ADGB: variants seen among roughly 807,000 people sequenced by gnomAD.
ADGB encodes the protein androglobin, also known as calpain-7-like protein.
ADGB carries 172 observed loss-of-function variants against 210.5 expected under a neutral mutation model. That is an observed-to-expected ratio of 0.82 (90% CI 0.72 to 0.93). The LOEUF is 0.93. Among genes scored for constraint, ADGB ranks in the 40% least tolerant of loss-of-function variants. The pLI, the probability that ADGB is intolerant of heterozygous loss-of-function variation, is 0.00. For synonymous variants in ADGB, 658 were observed against 662.7 expected, an observed-to-expected ratio of 0.99 and a Z score of 0.11; for missense variants, 2,025 against 1,964.8, an observed-to-expected ratio of 1.03 and a Z score of -0.58.
rs1481358790 is a variant in ADGB, at chr6:146,701,215, G to A, written c.1707+145G>A. On this transcript the variant is annotated intron_variant, in intron 13 of 35. Coordinates refer to ENST00000397944, the MANE Select transcript of ADGB (RefSeq NM_024694.4). Reference sequence around the variant, plus strand: ...AATAGTGTTAAAATAAATCTCTTATGTATCTATCACCTAGGTTAGAAAATA... The same window carrying A: ...AATAGTGTTAAAATAAATCTCTTATATATCTATCACCTAGGTTAGAAAATA... The A allele has an allele frequency of 3.2e-6, 3 of 940,422 alleles. No individual in the cohort carries two copies. The African/African-American group carries it at 5.1e-5, about 16-fold the overall frequency. 58.3% of individuals were successfully genotyped at this position (940,422 alleles called of 1,614,324 possible).
At chr6:146,669,321 T>C (rs1775976003) in intron 7 of ADGB, among the ~76,000 whole-genome samples, 1 of 152,028 alleles carries the variant, frequency 6.6e-6, no homozygotes, top group Non-Finnish European at 1.5e-5. Context: ...TATTTTCCAG[T>C]CACCAGTTCA....
chr6:146,717,125 G>T (rs1030707174), intron 15 of ADGB, 56 bp downstream of exon 15: 40 of 1,343,318 alleles, frequency 3.0e-5, no homozygotes, highest in Non-Finnish European at 3.8e-5. Flanking sequence ...ACCCTGAGCT[G>T]CATTAGTATA....
intron 3 of ADGB, among the ~76,000 whole-genome samples, chr6:146,646,207 C>T (rs1173118765): frequency 6.6e-6 from 1 of 151,962 alleles, no homozygotes; most frequent in East Asian, 1.9e-4. Context: ...TCCCCCTTTC[C>T]TTTTTGGGCA....
At chr6:146,707,657 T>G (rs1356685610) in intron 13 of ADGB, among the ~76,000 whole-genome samples, 1 of 152,168 alleles carries the variant, frequency 6.6e-6, no homozygotes, top group Non-Finnish European at 1.5e-5. Flanking sequence ...TAGCTATCCC[T>G]GCTCTCTTTT....
At position 146,666,831 on chromosome 6, in the gene ADGB, C is replaced by A; in HGVS notation, c.768C>A (p.Asp256Glu). The change falls in exon 7 of 36, where the codon GAC (aspartate) becomes GAA (glutamate). Residue 256 changes from aspartate to glutamate, a missense_variant. By Grantham distance (45) the Asp-to-Glu change is conservative (BLOSUM62 2). Coordinates refer to ENST00000397944, the MANE Select transcript of ADGB (RefSeq NM_024694.4). ...TCTTTTTTAGCATCCATGTAGCAGA[C>A]AGGAGAGAGCTGGGGGAGTTCACGG... ...KLANIDIHVADRRELGEFTVI... is the reference protein window; with the variant it reads ...KLANIDIHVAERRELGEFTVI... 6.5e-7 allele frequency: 1 copy of A among 1,547,614 alleles called. No individual in the cohort carries two copies. The highest frequency in any genetic ancestry group is 8.7e-7 in the Non-Finnish European group (1 of 1,144,066).
intron 12 of ADGB, among the ~76,000 whole-genome samples, chr6:146,698,172 T>G (rs1295831667): frequency 1.3e-5 from 2 of 152,210 alleles, no homozygotes; most frequent in Admixed American, 1.3e-4. Context: ...TGAATAATGG[T>G]GATATGACTG....
In ADGB at chr6:146,769,131, G is replaced by T; in HGVS notation, c.3862G>T (p.Ala1288Ser). The change falls in exon 29 of 36, where the codon GCT becomes TCT. Residue 1288 changes from alanine (A) to serine (S), a missense_variant and splice_region_variant. Physicochemically the swap from Ala to Ser is moderately conservative, Grantham distance 99. Transcript: ENST00000397944. The stretch of plus-strand genomic sequence containing the variant: ...AGACTTAAAGAAAAGTAATACCAAA[G>T]GTATGTCACCCTAAATGTTTAAACA... The part of the protein sequence containing the change: ...LKDLKKSNTK[A>S]YGERHEELIN... 6.7e-7 allele frequency: 1 copy of T among 1,484,266 alleles called. No individual in the cohort carries two copies. The highest frequency in any genetic ancestry group is 1.3e-5 in the South Asian group (1 of 78,208). 91.9% of individuals were successfully genotyped at this position (1,484,266 alleles called of 1,614,324 possible).
intron 13 of ADGB, among the ~76,000 whole-genome samples, chr6:146,713,650 T>C (rs937244409): frequency 1.3e-5 from 2 of 152,238 alleles, no homozygotes; most frequent in African/African-American, 2.4e-5. Context: ...ATTTTCCCTT[T>C]ATCAGATATG....
chr6:146,760,345 G>A (rs774532245), intron 27 of ADGB, among the ~76,000 whole-genome samples: 6 of 151,754 alleles, frequency 4.0e-5, no homozygotes, highest in African/African-American at 7.2e-5. Flanking sequence ...TCATAAAATT[G>A]GAACCATATA....
In ADGB at chr6:146,691,245, C is replaced by G; in HGVS notation, c.1441C>G (p.Leu481Val). 1.9e-6 allele frequency: 3 copies of G among 1,547,596 alleles called. No homozygotes were observed. Among genetic ancestry groups the G allele is most frequent in the South Asian group, 1.2e-5 (1 of 83,842 alleles). Reference sequence around the variant, plus strand: ...ACCACCTCCTCTACCTCCCTGGAAACTCATTCGTCAAAAAAAGGAAACTGT... The same window carrying G: ...ACCACCTCCTCTACCTCCCTGGAAAGTCATTCGTCAAAAAAAGGAAACTGT... ...PKPPPLPPWK[L>V]IRQKKETVIT... The change falls in exon 11 of 36, where the codon CTC (leucine) becomes GTC (valine). Residue 481 changes from leucine to valine, a missense_variant. Physicochemically the swap from Leu to Val is conservative, Grantham distance 32 (BLOSUM62 1). Coordinates refer to ENST00000397944, the MANE Select transcript of ADGB (RefSeq NM_024694.4).
At chr6:146,728,234 A>T (rs1776925358) in intron 19 of ADGB, among the ~76,000 whole-genome samples, 1 of 152,070 alleles carries the variant, frequency 6.6e-6, no homozygotes, top group Non-Finnish European at 1.5e-5. Context: ...TTCTCCCTGA[A>T]ATCTCTGTTC....
intron 29 of ADGB, among the ~76,000 whole-genome samples, 171 bp downstream of exon 29, chr6:146,769,302 A>G (rs1202398174): frequency 6.6e-6 from 1 of 152,146 alleles, no homozygotes; most frequent in Non-Finnish European, 1.5e-5. Context: ...AATTGATTAT[A>G]TGTTTCAATA....
intron 3 of ADGB, among the ~76,000 whole-genome samples, chr6:146,651,760 CAT>C (rs1304965033): frequency 3.6e-4 from 55 of 152,102 alleles, no homozygotes; most frequent in African/African-American, 1.1e-3. Flanking sequence ...TTTAAGCAAA[CAT>C]GTAATTAGAT....
intron 7 of ADGB, 60 bp from the exon 8 acceptor site, chr6:146,672,160 G>A (rs1186383882): frequency 2.8e-6 from 4 of 1,431,856 alleles, no homozygotes; most frequent in South Asian, 3.2e-5. Flanking sequence ...AATTTCTTGC[G>A]AAGTTCAAGG....
At chr6:146,760,775 T>C (rs571658405) in intron 27 of ADGB, among the ~76,000 whole-genome samples, 1 of 152,054 alleles carries the variant, frequency 6.6e-6, no homozygotes, top group South Asian at 2.1e-4. Context: ...TTGCTGTCAA[T>C]GTTTTTAATC....
chr6:146,745,241 G>A (rs746361722), intron 25 of ADGB, among the ~76,000 whole-genome samples: 2 of 152,120 alleles, frequency 1.3e-5, no homozygotes, highest in Non-Finnish European at 2.9e-5. Context: ...AGGGGCATCT[G>A]GAATTATAAT....
chr6:146,763,669 T>A (rs1273787537), intron 27 of ADGB, among the ~76,000 whole-genome samples: 1 of 152,232 alleles, frequency 6.6e-6, no homozygotes, highest in Admixed American at 6.5e-5. Flanking sequence ...CTGTTGTATA[T>A]ACTTTTAGAA....
intron 16 of ADGB, among the ~76,000 whole-genome samples, chr6:146,718,048 C>A (rs1776759967): frequency 6.6e-6 from 1 of 152,064 alleles, no homozygotes; most frequent in Admixed American, 6.6e-5. Context: ...TGCTGTTGTT[C>A]AGCTAATGCC....
chr6:146,634,728 T>C (rs1775378003), intron 1 of ADGB, among the ~76,000 whole-genome samples: 1 of 152,028 alleles, frequency 6.6e-6, no homozygotes, highest in African/African-American at 2.4e-5. Context: ...AACAAAATAA[T>C]GTGAATGTAC....
Sources: gnomAD v4.1 joint callset for allele counts (sites outside exome capture counted in the v4.1 genomes callset) on GRCh38, gnomAD v4.1.1 for gene constraint, MANE v1.5 for transcripts, NCBI Gene and HGNC (gene_info 2026-07-23, HGNC 2026-07-21) for gene names.